The following CPE variants were observed in gnomAD, a reference collection of about 807,000 sequenced individuals.
CPE encodes carbocypeptidase E.
CPE carries 17 observed loss-of-function variants against 53.5 expected under a neutral mutation model. The ratio of observed to expected loss-of-function variants is 0.32; its 90% CI spans 0.22 to 0.48. The LOEUF is 0.48. Among genes scored for constraint, CPE ranks in the 20% least tolerant of loss-of-function variants. The pLI is 0.99. For missense variants in CPE, 524 were observed against 614.7 expected, an observed-to-expected ratio of 0.85 and a Z score of 1.56; for synonymous variants, 226 against 228.8, an observed-to-expected ratio of 0.99 and a Z score of 0.11.
chr4:165,467,834 A>C lies in CPE; in HGVS notation c.651A>C (p.Lys217Asn). 2 of 1,613,666 alleles carry C rather than the reference A, an allele frequency of 1.2e-6. No individual in the cohort carries two copies. Among genetic ancestry groups the C allele is most frequent in the Non-Finnish European group, 1.7e-6 (2 of 1,179,764 alleles). Reference protein sequence around the residue: ...PNNHLLKNMKKIVDQNTKLAP... With the variant: ...PNNHLLKNMKNIVDQNTKLAP... Reference sequence around the variant, plus strand: ...ATCATCTGTTGAAAAATATGAAGAAAATTGTGGATCAAAACACAAAGGTAG... The same window carrying C: ...ATCATCTGTTGAAAAATATGAAGAACATTGTGGATCAAAACACAAAGGTAG... The change falls in exon 3 of 9, where the codon AAA becomes AAC. Residue 217 changes from lysine to asparagine, a missense_variant. Transcript: ENST00000402744.
chr4:165,483,640 T>G (rs1422740031), intron 4 of CPE, among the ~76,000 whole-genome samples: 4 of 152,232 alleles, frequency 2.6e-5, no homozygotes, highest in Non-Finnish European at 5.9e-5. Flanking sequence ...CATCTGTTGT[T>G]TTTTGACTTT....
At chr4:165,398,380 G>C (rs1373619052) in intron 1 of CPE, among the ~76,000 whole-genome samples, 1 of 151,902 alleles carries the variant, frequency 6.6e-6, no homozygotes, top group African/African-American at 2.4e-5. Context: ...ACACATATAT[G>C]TATATAGGTG....
chr4:165,493,229 C>T lies in CPE; in HGVS notation c.1172C>T (p.Ala391Val). 1 of 1,614,044 alleles carries T rather than the reference C, an allele frequency of 6.2e-7. No homozygotes were observed. Among genetic ancestry groups the T allele is most frequent in the Non-Finnish European group, 8.5e-7 (1 of 1,179,928 alleles). The change falls in exon 7 of 9, where the codon GCC (alanine) becomes GTC (valine). Residue 391 changes from alanine (A) to valine (V), a missense_variant. Coordinates refer to ENST00000402744, the MANE Select transcript of CPE (RefSeq NM_001873.4). ...CTTCAAGGTAACCCAATTGCGAATG[C>T]CACCATCTCCGTGGAAGGAATAGAC... ...RDLQGNPIAN[A>V]TISVEGIDHD...
At chr4:165,470,745 G>T (rs1034498052) in intron 3 of CPE, among the ~76,000 whole-genome samples, 1 of 152,030 alleles carries the variant, frequency 6.6e-6, no homozygotes, top group African/African-American at 2.4e-5. Flanking sequence ...AAGAATCCAA[G>T]ACCTCAATTC....
chr4:165,479,090 A>G (rs1732355394), intron 3 of CPE, among the ~76,000 whole-genome samples: 1 of 152,244 alleles, frequency 6.6e-6, no homozygotes, highest in South Asian at 2.1e-4. Flanking sequence ...ACTGAAAATA[A>G]ATTCAATAGT....
chr4:165,381,360 A>T (rs1004734623), intron 1 of CPE: 3 of 455,404 alleles, frequency 6.6e-6, no homozygotes, highest in African/African-American at 6.0e-5. Context: ...AATATACATT[A>T]TGAAATAATC....
chr4:165,393,445 G>A (rs920999270), intron 1 of CPE, among the ~76,000 whole-genome samples: 1 of 152,092 alleles, frequency 6.6e-6, no homozygotes, highest in African/African-American at 2.4e-5. Context: ...CTTCATTAGT[G>A]TTCCATAGAA....
Position 165,405,366 on chromosome 4 carries a change from T to C in CPE, c.307+25838T>C, listed in dbSNP as rs967133999. The C allele has an allele frequency of 1.1e-5, 15 of 1,378,368 alleles. No individual in the cohort carries two copies. In the African/African-American group the frequency reaches 2.1e-4, roughly 20 times the overall value. 85.4% of individuals were successfully genotyped at this position (1,378,368 alleles called of 1,614,324 possible). A position where few individuals can be genotyped will look rare whatever the true frequency, so the allele number is the denominator to read the frequency against. On this transcript the variant is annotated intron_variant, in intron 1 of 8. Transcript: ENST00000402744. ...CCCATCAAGGCCTTTGATTCTTTGG[T>C]CATTGCAAGCTCTCCGAATTTCTGA...
At chr4:165,396,501 A>T (rs1376742813) in intron 1 of CPE, among the ~76,000 whole-genome samples, 1 of 151,880 alleles carries the variant, frequency 6.6e-6, no homozygotes, top group African/African-American at 2.4e-5. Context: ...GTGAAACCAC[A>T]TCTCTACTAA....
chr4:165,388,535 G>A (rs1730633873), intron 1 of CPE, among the ~76,000 whole-genome samples: 1 of 152,118 alleles, frequency 6.6e-6, no homozygotes, highest in African/African-American at 2.4e-5. Context: ...TCCTTGAAAT[G>A]TGTTATTTCA....
chr4:165,405,823 G>T, intron 1 of CPE: 1 of 754,128 alleles, frequency 1.3e-6, no homozygotes, highest in East Asian at 2.6e-5. Flanking sequence ...TGTGCCTCCT[G>T]CTCCTGGTAA....
At chr4:165,444,500 G>GAA (rs35037653) in intron 1 of CPE, among the ~76,000 whole-genome samples, 56 of 148,932 alleles carry the variant, frequency 3.8e-4, no homozygotes, top group East Asian at 1.2e-3. Flanking sequence ...CATCTCTACT[G>GAA]AAAAAAAAAA....
chr4:165,455,898 C>T (rs972799281), intron 1 of CPE, among the ~76,000 whole-genome samples: 2 of 152,262 alleles, frequency 1.3e-5, no homozygotes, highest in South Asian at 4.2e-4. Flanking sequence ...GGTAATCCGC[C>T]TGCTTTGGCC....
chr4:165,493,840 C>T (rs1252349433), intron 7 of CPE, among the ~76,000 whole-genome samples: 2 of 152,154 alleles, frequency 1.3e-5, no homozygotes, highest in African/African-American at 4.8e-5. Flanking sequence ...TTTCCATTTC[C>T]CCAGTTTGAG....
At chr4:165,440,473 A>C (rs1731590504) in intron 1 of CPE, among the ~76,000 whole-genome samples, 1 of 130,036 alleles carries the variant, frequency 7.7e-6, no homozygotes, top group Non-Finnish European at 1.6e-5. Context: ...CACACACACA[A>C]GCTGTGGTTT....
intron 3 of CPE, among the ~76,000 whole-genome samples, chr4:165,475,211 A>G (rs1732275279): frequency 2.6e-5 from 4 of 152,180 alleles, no homozygotes; most frequent in African/African-American, 9.7e-5. Flanking sequence ...AATAAGTGAG[A>G]TCCTTAAAGG....
chr4:165,383,513 A>G (rs1482001058), intron 1 of CPE, among the ~76,000 whole-genome samples: 2 of 152,242 alleles, frequency 1.3e-5, no homozygotes, highest in African/African-American at 4.8e-5. Context: ...GTAGTTCAAG[A>G]TAGCTTTTGG....
In CPE at chr4:165,497,666, G is replaced by A; in HGVS notation, c.*56G>A. 1.0e-6 allele frequency: 1 copy of A among 969,332 alleles called. No homozygotes were observed. Among genetic ancestry groups the A allele is most frequent in the Non-Finnish European group, 1.4e-6 (1 of 699,004 alleles). The allele number at this position is 969,332 out of a possible 1,614,324, so 60.0% of individuals were successfully genotyped here. On this transcript the variant is annotated 3_prime_UTR_variant, in exon 9 of 9. Transcript: ENST00000402744. The stretch of plus-strand genomic sequence containing the variant: ...TCTATATAATGTAGTATGATGTAAT[G>A]TGGTCTTTTTTTTAGATTTTGTGCA...
At chr4:165,425,761 C>T (rs1731306673) in intron 1 of CPE, among the ~76,000 whole-genome samples, 1 of 151,904 alleles carries the variant, frequency 6.6e-6, no homozygotes, top group Admixed American at 6.6e-5. Flanking sequence ...TTTGGCTTGT[C>T]TGGAGACATT....
Sources: allele counts gnomAD v4.1 joint callset (sites outside exome capture counted in the v4.1 genomes callset), GRCh38; gene constraint gnomAD v4.1.1; transcripts MANE v1.5; gene names NCBI Gene and HGNC (gene_info 2026-07-23, HGNC 2026-07-21).